The following CNTNAP2 variants were observed in gnomAD, a reference collection of about 807,000 sequenced individuals.
The protein encoded by CNTNAP2 is contactin associated protein 2.
CNTNAP2 carries 98 observed loss-of-function variants against 155.2 expected under a neutral mutation model. The observed-to-expected ratio is 0.63, with a 90% CI of 0.54 to 0.75. CNTNAP2 has a LOEUF of 0.75. CNTNAP2 is among the 30% of genes least tolerant of loss of function. The pLI is 0.00. For missense variants in CNTNAP2, 1,727 were observed against 1,688.1 expected (o/e 1.02, Z -0.40); for synonymous variants, 651 against 631.2 (o/e 1.03, Z -0.47).
intron 12 of CNTNAP2, among the ~76,000 whole-genome samples, chr7:147,620,298 C>G (rs1234616120): frequency 6.6e-6 from 1 of 152,136 alleles, no homozygotes; most frequent in South Asian, 2.1e-4. Context: ...AGTATCAACA[C>G]CATCCAGGAA....
intron 12 of CNTNAP2, among the ~76,000 whole-genome samples, chr7:147,621,895 C>A (rs1190678293): frequency 2.0e-5 from 3 of 151,736 alleles, no homozygotes; most frequent in Non-Finnish European, 2.9e-5. Flanking sequence ...ACACACTTCA[C>A]CTATAAAGAG....
intron 8 of CNTNAP2, among the ~76,000 whole-genome samples, chr7:147,272,538 GC>G (rs1804775731): frequency 6.6e-6 from 1 of 151,834 alleles, no homozygotes; most frequent in Non-Finnish European, 1.5e-5. Context: ...CGGCTCTGTC[GC>G]CCAGGCTGGA....
intron 18 of CNTNAP2, among the ~76,000 whole-genome samples, chr7:148,198,775 C>T (rs781348656): frequency 2.6e-5 from 4 of 152,218 alleles, no homozygotes; most frequent in Admixed American, 6.5e-5. Flanking sequence ...TTCATAGCTG[C>T]GAAGCTCAAC....
At chr7:146,138,892 C>T (rs1045661423) in intron 1 of CNTNAP2, among the ~76,000 whole-genome samples, 1 of 152,050 alleles carries the variant, frequency 6.6e-6, no homozygotes, top group Non-Finnish European at 1.5e-5. Flanking sequence ...GGAACATAAC[C>T]ACAAACACTT....
chr7:146,514,882 C>T (rs1797517973), intron 1 of CNTNAP2, among the ~76,000 whole-genome samples: 1 of 152,024 alleles, frequency 6.6e-6, no homozygotes, highest in Non-Finnish European at 1.5e-5. Context: ...GTATAGTTTA[C>T]TTGTTGAATT....
chr7:146,720,206 A>T (rs964714789), intron 1 of CNTNAP2, among the ~76,000 whole-genome samples: 2 of 152,050 alleles, frequency 1.3e-5, no homozygotes, highest in African/African-American at 4.8e-5. Flanking sequence ...GGTTTGGTGC[A>T]ATTTCTGGTT....
chr7:146,788,210 A>T (rs1338354055), intron 2 of CNTNAP2, among the ~76,000 whole-genome samples: 1 of 152,176 alleles, frequency 6.6e-6, no homozygotes, highest in Non-Finnish European at 1.5e-5. Flanking sequence ...GCCTGAGAGC[A>T]GAGGGAGCGG....
At chr7:146,161,788 A>T (rs1218875116) in intron 1 of CNTNAP2, among the ~76,000 whole-genome samples, 1 of 152,226 alleles carries the variant, frequency 6.6e-6, no homozygotes, top group African/African-American at 2.4e-5. Flanking sequence ...TAACCAAAAC[A>T]GCATGGTACT....
At chr7:148,182,435 T>C (rs959583607) in intron 18 of CNTNAP2, among the ~76,000 whole-genome samples, 4 of 149,404 alleles carry the variant, frequency 2.7e-5, no homozygotes. Flanking sequence ...AAGACCTGCC[T>C]CTGACATGCA....
rs77469130 is a variant in CNTNAP2, at chr7:147,376,223, G to A, written c.1499-19386G>A. Among the ~76,000 whole-genome samples, 1,302 of 152,114 alleles carry A rather than the reference G, an allele frequency of 8.6e-3. 21 individuals are homozygous for A. Among genetic ancestry groups the A allele is most frequent in the African/African-American group, 0.03 (1,250 of 41,524 alleles). On this transcript the variant is annotated intron_variant, in intron 9 of 23. Coordinates refer to ENST00000361727, the MANE Select transcript of CNTNAP2 (RefSeq NM_014141.6). ...CGTTTGTATGATAACTCGGTAGTGA[G>A]AGCACAGAGGGCAGTCCCAGTGTTC...
At chr7:146,382,378 T>C (rs1795402227) in intron 1 of CNTNAP2, among the ~76,000 whole-genome samples, 1 of 152,164 alleles carries the variant, frequency 6.6e-6, no homozygotes, top group East Asian at 1.9e-4. Context: ...AGAAGAGTAA[T>C]TGGGGAAAGC....
At chr7:147,039,453 A>G (rs1311960948) in intron 3 of CNTNAP2, among the ~76,000 whole-genome samples, 2 of 152,186 alleles carry the variant, frequency 1.3e-5, no homozygotes, top group African/African-American at 4.8e-5. Flanking sequence ...CTTACAAATG[A>G]GAACATGTGG....
intron 4 of CNTNAP2, among the ~76,000 whole-genome samples, chr7:147,059,151 G>A (rs1169061997): frequency 6.6e-6 from 1 of 152,210 alleles, no homozygotes; most frequent in Non-Finnish European, 1.5e-5. Flanking sequence ...TGATTTTGAG[G>A]ATGAAGTCAC....
At chr7:146,391,189 C>G (rs1424282606) in intron 1 of CNTNAP2, among the ~76,000 whole-genome samples, 1 of 150,076 alleles carries the variant, frequency 6.7e-6, no homozygotes, top group Non-Finnish European at 1.5e-5. Context: ...AAGGACATGA[C>G]AAGTAAATGT....
intron 3 of CNTNAP2, among the ~76,000 whole-genome samples, chr7:146,982,315 A>AT (rs1408036240): frequency 6.6e-6 from 1 of 152,150 alleles, no homozygotes; most frequent in Non-Finnish European, 1.5e-5. Context: ...AATATATAAT[A>AT]TATAAGATCA....
chr7:147,316,671 A>G (rs894637553), intron 9 of CNTNAP2, among the ~76,000 whole-genome samples: 3 of 152,180 alleles, frequency 2.0e-5, no homozygotes, highest in Admixed American at 6.5e-5. Flanking sequence ...AATATAAATA[A>G]TGGTAACGGA....
intron 1 of CNTNAP2, among the ~76,000 whole-genome samples, chr7:146,363,372 T>A (rs1795111975): frequency 6.6e-6 from 1 of 152,162 alleles, no homozygotes; most frequent in Admixed American, 6.5e-5. Context: ...ATAATTTAAC[T>A]GTTAAAGGTT....
intron 1 of CNTNAP2, among the ~76,000 whole-genome samples, chr7:146,519,890 A>G (rs2129137120): frequency 6.6e-6 from 1 of 151,958 alleles, no homozygotes. Context: ...ATTTTGTATC[A>G]TTACCTCTGT....
intron 2 of CNTNAP2, among the ~76,000 whole-genome samples, chr7:146,804,803 A>G (rs1210798638): frequency 1.3e-5 from 2 of 152,170 alleles, no homozygotes; most frequent in African/African-American, 2.4e-5. Context: ...CGTGAAAGTC[A>G]CACAAAGCCC....
Sources: gnomAD v4.1 joint callset for allele counts (sites outside exome capture counted in the v4.1 genomes callset) on GRCh38, gnomAD v4.1.1 for gene constraint, MANE v1.5 for transcripts, NCBI Gene and HGNC (gene_info 2026-07-23, HGNC 2026-07-21) for gene names.